The following AKAP6 variants were observed in gnomAD, a reference collection of about 807,000 sequenced individuals.
AKAP6 encodes the protein A-kinase anchor protein 6.
A neutral mutation model predicts 188.5 loss-of-function variants in AKAP6; 58 were observed. The observed-to-expected ratio is 0.31, with a 90% confidence interval of 0.25 to 0.38. The LOEUF (loss-of-function observed/expected upper bound fraction) is 0.38. Ranked by LOEUF, AKAP6 falls within the 10% of genes least tolerant of loss-of-function variation. AKAP6 has a pLI of 1.00. For synonymous variants in AKAP6, 989 were observed against 998.6 expected, an observed-to-expected ratio of 0.99 and a Z score of 0.18; for missense variants, 2,710 against 2,740.0, an observed-to-expected ratio of 0.99 and a Z score of 0.24.
At chr14:32,492,337 A>AATATATATATATATATATATATATATAT (rs148154496) in intron 2 of AKAP6, among the ~76,000 whole-genome samples, 2 of 76,758 alleles carry the variant, frequency 2.6e-5, no homozygotes, top group Non-Finnish European at 5.8e-5. Flanking sequence ...ACTACATTGT[A>AATATATATATATATATATATATATATAT]ATATATATAT....
chr14:32,362,570 G>A (rs560333161), intron 1 of AKAP6, among the ~76,000 whole-genome samples: 1 of 152,252 alleles, frequency 6.6e-6, no homozygotes, highest in African/African-American at 2.4e-5. Flanking sequence ...AGTGGTAGTG[G>A]GGTTTCAGGT....
chr14:32,602,716 A>G (rs1885977921), intron 7 of AKAP6, among the ~76,000 whole-genome samples: 1 of 152,172 alleles, frequency 6.6e-6, no homozygotes, highest in South Asian at 2.1e-4. Flanking sequence ...GTATTATGTC[A>G]TTTAATTATC....
rs975292625 is a variant in AKAP6 at position 32,490,817 on chromosome 14, G to C, written c.325-44737G>C. Among the ~76,000 whole-genome samples, 10 of 152,214 alleles carry C rather than the reference G, an allele frequency of 6.6e-5. 2 individuals carry two copies. Among genetic ancestry groups the C allele is most frequent in the Admixed American group, 6.5e-4 (10 of 15,288 alleles). ...TTCAGAACTGATTCTTATTTGTCTA[G>C]CTTGTTTGGTTGTTCTCAGTGAGGT... On this transcript the variant is annotated intron_variant, in intron 2 of 13. Transcript: ENST00000280979.
At chr14:32,509,252 G>A (rs1477211741) in intron 2 of AKAP6, among the ~76,000 whole-genome samples, 2 of 150,758 alleles carry the variant, frequency 1.3e-5, no homozygotes, top group Middle Eastern at 3.4e-3. Context: ...AGCCTCCTGA[G>A]TAGCTGGGAT....
Position 32,491,145 on chromosome 14 carries a change from C to A in AKAP6, c.325-44409C>A, listed in dbSNP as rs143397970. Among the ~76,000 whole-genome samples the A allele has an allele frequency of 7.0e-4, 106 of 152,292 alleles. No homozygotes were observed. The Middle Eastern group carries it at 0.01, about 15-fold the overall frequency. On this transcript the variant is annotated intron_variant, in intron 2 of 13. Transcript: ENST00000280979. ...GAATCTCCCTTCTCCCTAATTGCTT[C>A]ATATGTATCCCACCAGATGCTTCCT...
intron 1 of AKAP6, among the ~76,000 whole-genome samples, chr14:32,375,657 C>T (rs1249360174): frequency 1.3e-5 from 2 of 152,146 alleles, no homozygotes; most frequent in African/African-American, 2.4e-5. Context: ...TATTATTTGT[C>T]AGGTATGATA....
chr14:32,683,238 C>G (rs1357590533), intron 8 of AKAP6, among the ~76,000 whole-genome samples: 1 of 152,076 alleles, frequency 6.6e-6, no homozygotes, highest in Non-Finnish European at 1.5e-5. Context: ...AAGTGATTCA[C>G]CCACCTCAGC....
At chr14:32,644,091 A>G (rs1887879049) in intron 7 of AKAP6, among the ~76,000 whole-genome samples, 1 of 152,164 alleles carries the variant, frequency 6.6e-6, no homozygotes, top group Non-Finnish European at 1.5e-5. Flanking sequence ...TGAGGATGAG[A>G]CGTTTGCTGG....
intron 7 of AKAP6, among the ~76,000 whole-genome samples, chr14:32,612,029 G>A (rs1313795289): frequency 6.6e-6 from 1 of 152,106 alleles, no homozygotes; most frequent in Non-Finnish European, 1.5e-5. Context: ...ATAGAGGGAG[G>A]GTTGAAGCTG....
chr14:32,780,873 T>C (rs949721859), intron 12 of AKAP6, among the ~76,000 whole-genome samples: 2 of 152,052 alleles, frequency 1.3e-5, no homozygotes, highest in Non-Finnish European at 2.9e-5. Flanking sequence ...CTCAAATACA[T>C]GGAAGCTAAA....
At chr14:32,477,511 T>C (rs1436331178) in intron 2 of AKAP6, among the ~76,000 whole-genome samples, 1 of 152,166 alleles carries the variant, frequency 6.6e-6, no homozygotes, top group Non-Finnish European at 1.5e-5. Flanking sequence ...TCCCAAGCAG[T>C]GGCTGAGGCT....
intron 2 of AKAP6, among the ~76,000 whole-genome samples, chr14:32,472,934 A>G (rs1878862592): frequency 6.6e-6 from 1 of 152,228 alleles, no homozygotes; most frequent in Admixed American, 6.5e-5. Context: ...ATGCTTAGAA[A>G]TGTTTGGAAT....
chr14:32,746,177 A>G (rs575543497), intron 11 of AKAP6, among the ~76,000 whole-genome samples: 2 of 152,056 alleles, frequency 1.3e-5, no homozygotes, highest in African/African-American at 4.8e-5. Context: ...AGCCAAGCTG[A>G]TATCTAAGAT....
intron 1 of AKAP6, among the ~76,000 whole-genome samples, chr14:32,372,509 T>C (rs368377143): frequency 3.3e-5 from 5 of 152,252 alleles, no homozygotes; most frequent in Admixed American, 1.3e-4. Flanking sequence ...AAAATAGTTA[T>C]ATATTTTTTA....
At chr14:32,371,224 T>C (rs938389353) in intron 1 of AKAP6, among the ~76,000 whole-genome samples, 6 of 151,964 alleles carry the variant, frequency 3.9e-5, no homozygotes, top group Admixed American at 3.9e-4. Flanking sequence ...AGAACACACA[T>C]ATGTCAAAAG....
At chr14:32,335,667 T>C (rs920526018) in intron 1 of AKAP6, among the ~76,000 whole-genome samples, 1 of 152,150 alleles carries the variant, frequency 6.6e-6, no homozygotes, top group Non-Finnish European at 1.5e-5. Flanking sequence ...AAATCAAATC[T>C]TCTTTGCAAA....
At chr14:32,683,033 G>A (rs192013415) in intron 8 of AKAP6, among the ~76,000 whole-genome samples, 33 of 123,404 alleles carry the variant, frequency 2.7e-4, no homozygotes, top group African/African-American at 8.9e-4. Context: ...TTGCTCTGTC[G>A]CCCAGGCTGG....
At chr14:32,769,037 A>ATTTTTTTTTTGTTTTTTTTTTTTTTTTT (rs2032808065) in intron 11 of AKAP6, among the ~76,000 whole-genome samples, 1 of 56,926 alleles carries the variant, frequency 1.8e-5, no homozygotes, top group African/African-American at 7.1e-5. Context: ...TGCTCTTTTG[A>ATTTTTTTTTTGTTTTTTTTTTTTTTTTT]TTTTTTTTTT....
At chr14:32,674,858 C>T (rs1889362138) in intron 7 of AKAP6, among the ~76,000 whole-genome samples, 1 of 152,066 alleles carries the variant, frequency 6.6e-6, no homozygotes, top group South Asian at 2.1e-4. Context: ...ATTGAGCCCA[C>T]AAACAACAAC....
Sources: allele counts gnomAD v4.1 joint callset (sites outside exome capture counted in the v4.1 genomes callset), GRCh38; gene constraint gnomAD v4.1.1; transcripts MANE v1.5; gene names NCBI Gene and HGNC (gene_info 2026-07-23, HGNC 2026-07-21).